NKAIN2: variants seen among roughly 807,000 people sequenced by gnomAD.
NKAIN2 encodes sodium/potassium transporting ATPase interacting 2.
Under a neutral mutation model 32.6 loss-of-function variants are expected in NKAIN2, and 14 were observed. That is an observed-to-expected ratio of 0.43 (90% CI 0.28 to 0.67). The LOEUF is 0.67. NKAIN2 is among the 30% of genes least tolerant of loss of function. NKAIN2 has a pLI of 0.17. For missense variants in NKAIN2, 198 were observed against 258.3 expected, an observed-to-expected ratio of 0.77 and a Z score of 1.60; for synonymous variants, 80 against 87.2, an observed-to-expected ratio of 0.92 and a Z score of 0.46.
chr6:124,347,589 C>G (rs1179940711), intron 2 of NKAIN2, among the ~76,000 whole-genome samples: 2 of 152,170 alleles, frequency 1.3e-5, no homozygotes, highest in Non-Finnish European at 2.9e-5. Flanking sequence ...TTCATTTCAT[C>G]TTCCGTCACT....
intron 1 of NKAIN2, among the ~76,000 whole-genome samples, chr6:123,992,128 C>T (rs1198770526): frequency 6.6e-6 from 1 of 152,048 alleles, no homozygotes; most frequent in Non-Finnish European, 1.5e-5. Flanking sequence ...GCTGTAGAGG[C>T]ATGGAAGGCA....
At chr6:123,995,281 G>C (rs1311077591) in intron 1 of NKAIN2, among the ~76,000 whole-genome samples, 1 of 152,152 alleles carries the variant, frequency 6.6e-6, no homozygotes, top group Non-Finnish European at 1.5e-5. Flanking sequence ...TGACAAGGCA[G>C]TTCTAGGAAA....
At chr6:124,465,696 G>A (rs1484230326) in intron 3 of NKAIN2, among the ~76,000 whole-genome samples, 3 of 151,138 alleles carry the variant, frequency 2.0e-5, no homozygotes, top group African/African-American at 4.9e-5. Context: ...GTAAGATTGT[G>A]CTATAGAAAC....
At chr6:124,079,494 C>T (rs1317181017) in intron 1 of NKAIN2, among the ~76,000 whole-genome samples, 2 of 152,056 alleles carry the variant, frequency 1.3e-5, no homozygotes, top group African/African-American at 2.4e-5. Flanking sequence ...ATTTGTTTCT[C>T]CTGGGTATCT....
chr6:124,232,404 G>A (rs996016520), intron 1 of NKAIN2, among the ~76,000 whole-genome samples: 5 of 152,112 alleles, frequency 3.3e-5, no homozygotes, highest in African/African-American at 4.8e-5. Flanking sequence ...CAGAGAACAA[G>A]CCATGAAAGA....
At chr6:124,774,227 T>C (rs901695688) in intron 4 of NKAIN2, among the ~76,000 whole-genome samples, 5 of 152,090 alleles carry the variant, frequency 3.3e-5, no homozygotes, top group African/African-American at 1.2e-4. Context: ...AAATGGCAAA[T>C]TGGACCTGGG....
At chr6:123,893,788 C>T (rs1774136752) in intron 1 of NKAIN2, among the ~76,000 whole-genome samples, 1 of 152,186 alleles carries the variant, frequency 6.6e-6, no homozygotes, top group Non-Finnish European at 1.5e-5. Flanking sequence ...CTTTCATGCC[C>T]ATTTTATCCC....
intron 1 of NKAIN2, among the ~76,000 whole-genome samples, chr6:124,178,542 C>T (rs966910461): frequency 2.0e-4 from 30 of 152,048 alleles, no homozygotes; most frequent in Admixed American, 1.6e-3. Context: ...TGTGATCCAC[C>T]CACCTCGGCC....
intron 1 of NKAIN2, among the ~76,000 whole-genome samples, chr6:124,040,241 T>G (rs1781807245): frequency 6.6e-6 from 1 of 152,010 alleles, no homozygotes; most frequent in Admixed American, 6.6e-5. Context: ...AGGAATTTTA[T>G]AAATATTTAT....
intron 4 of NKAIN2, among the ~76,000 whole-genome samples, chr6:124,677,439 T>A (rs998631854): frequency 6.6e-6 from 1 of 152,200 alleles, no homozygotes; most frequent in Non-Finnish European, 1.5e-5. Flanking sequence ...TTACAGTCTA[T>A]CTTTATGTTT....
intron 4 of NKAIN2, among the ~76,000 whole-genome samples, chr6:124,727,014 AC>A (rs1431384719): frequency 6.6e-6 from 1 of 151,606 alleles, no homozygotes; most frequent in East Asian, 1.9e-4. Context: ...AGAAAAAAGA[AC>A]AAAAAGAAAT....
intron 1 of NKAIN2, among the ~76,000 whole-genome samples, chr6:124,149,388 C>T (rs1310174045): frequency 6.6e-6 from 1 of 152,144 alleles, no homozygotes; most frequent in Non-Finnish European, 1.5e-5. Flanking sequence ...TGCTCCCATG[C>T]ATTTTTCTAA....
intron 1 of NKAIN2, among the ~76,000 whole-genome samples, chr6:124,234,099 C>T (rs1792610720): frequency 1.3e-5 from 2 of 152,104 alleles, no homozygotes. Context: ...CTTTCCAGCT[C>T]TTTCTGTTGT....
At chr6:124,408,345 C>A (rs1358728050) in intron 3 of NKAIN2, among the ~76,000 whole-genome samples, 1 of 152,180 alleles carries the variant, frequency 6.6e-6, no homozygotes, top group Non-Finnish European at 1.5e-5. Flanking sequence ...ACATGTAAGT[C>A]TTTAATCCAT....
chr6:124,136,840 T>C (rs902688328), intron 1 of NKAIN2, among the ~76,000 whole-genome samples: 4 of 152,038 alleles, frequency 2.6e-5, no homozygotes, highest in Admixed American at 6.5e-5. Context: ...AAAATTGGCA[T>C]AGAAGGGACA....
intron 3 of NKAIN2, among the ~76,000 whole-genome samples, chr6:124,475,490 G>A (rs2114684581): frequency 6.6e-6 from 1 of 152,212 alleles, no homozygotes; most frequent in Middle Eastern, 3.4e-3. Context: ...GGATATAAAT[G>A]CTAATGAAAT....
chr6:124,739,207 T>C (rs1404630357), intron 4 of NKAIN2, among the ~76,000 whole-genome samples: 1 of 151,902 alleles, frequency 6.6e-6, no homozygotes, highest in Non-Finnish European at 1.5e-5. Flanking sequence ...GAACCAGGAT[T>C]CTTTTATAGG....
intron 5 of NKAIN2, among the ~76,000 whole-genome samples, chr6:124,796,547 G>A (rs1486719856): frequency 6.6e-6 from 1 of 152,066 alleles, no homozygotes; most frequent in East Asian, 1.9e-4. Context: ...TCAGATGCCT[G>A]TGGGTAAGAG....
intron 3 of NKAIN2, among the ~76,000 whole-genome samples, chr6:124,602,225 A>C (rs1030670153): frequency 3.3e-5 from 5 of 152,020 alleles, no homozygotes; most frequent in Non-Finnish European, 7.4e-5. Flanking sequence ...CAGAGCTTCT[A>C]TCAGTCCAGT....
Sources: allele counts gnomAD v4.1 joint callset (sites outside exome capture counted in the v4.1 genomes callset), GRCh38; gene constraint gnomAD v4.1.1; transcripts MANE v1.5; gene names NCBI Gene and HGNC (gene_info 2026-07-23, HGNC 2026-07-21).